Variants in ANKIB1 observed in about 807,000 individuals in gnomAD.
ANKIB1 encodes ankyrin repeat and IBR domain containing 1, also known as ankyrin repeat and IBR domain-containing protein 1.
In ANKIB1, 43 loss-of-function variants were observed where a neutral mutation model predicts 122.1. The observed-to-expected ratio is 0.35, with a 90% CI of 0.28 to 0.45. ANKIB1 has a LOEUF of 0.45. Among genes scored for constraint, ANKIB1 ranks in the 20% least tolerant of loss-of-function variants. The probability of loss-of-function intolerance (pLI) is 1.00; values close to 1 mark genes in which losing one functional copy is unlikely to be tolerated. For synonymous variants in ANKIB1, 390 were observed against 442.0 expected (o/e 0.88, Z 1.48); for missense variants, 992 against 1,329.5 (o/e 0.75, Z 3.95).
At chr7:92,334,048 A>G (rs1803235683) in intron 5 of ANKIB1, among the ~76,000 whole-genome samples, 1 of 152,160 alleles carries the variant, frequency 6.6e-6, no homozygotes, top group Non-Finnish European at 1.5e-5. Flanking sequence ...TTTAATGACT[A>G]TATGTAAGAA....
In ANKIB1 at chr7:92,370,297, A is replaced by G. The variant is rs912755175; in HGVS notation, c.1487-1180A>G. ...GCCGAGGCGGGCGGATCACGAGGTC[A>G]GGAGATCGAGACCATCCTGGCTAAC... is the stretch of plus-strand genomic sequence containing the variant. On this transcript the variant is annotated intron_variant, in intron 10 of 19. Transcript: ENST00000265742. 2.0e-5 allele frequency among the ~76,000 whole-genome samples: 3 copies of G among 151,798 alleles called. No homozygotes were observed. In the South Asian group the frequency reaches 6.3e-4, roughly 32 times the overall value.
At chr7:92,258,019 G>A (rs762047088) in intron 1 of ANKIB1, among the ~76,000 whole-genome samples, 1 of 152,172 alleles carries the variant, frequency 6.6e-6, no homozygotes, top group Non-Finnish European at 1.5e-5. Context: ...GCTCTGAAAT[G>A]TGACTTGACA....
At chr7:92,317,594 A>C (rs1232934670) in intron 3 of ANKIB1, among the ~76,000 whole-genome samples, 1 of 152,200 alleles carries the variant, frequency 6.6e-6, no homozygotes, top group Non-Finnish European at 1.5e-5. Flanking sequence ...TTTACAACTT[A>C]AAAACCACCT....
chr7:92,259,426 CT>C (rs1426421057), intron 1 of ANKIB1, among the ~76,000 whole-genome samples: 1 of 151,858 alleles, frequency 6.6e-6, no homozygotes, highest in Non-Finnish European at 1.5e-5. Flanking sequence ...GGATTTCTGG[CT>C]TTTTTTGTAT....
At chr7:92,309,942 A>AAAAAAAAAAAATATATATATATAT (rs1335765681) in intron 3 of ANKIB1, among the ~76,000 whole-genome samples, 1 of 91,812 alleles carries the variant, frequency 1.1e-5, no homozygotes, top group East Asian at 4.6e-4. Flanking sequence ...AAAAAAAAAA[A>AAAAAAAAAAAATATATATATATAT]ATATATATAT....
intron 1 of ANKIB1, among the ~76,000 whole-genome samples, chr7:92,279,285 C>T (rs1262876865): frequency 6.6e-6 from 1 of 152,136 alleles, no homozygotes; most frequent in Non-Finnish European, 1.5e-5. Flanking sequence ...GGGACCCCTG[C>T]CCTAAAGGGA....
intron 11 of ANKIB1, among the ~76,000 whole-genome samples, chr7:92,380,098 C>T (rs1219692821): frequency 2.6e-5 from 4 of 152,218 alleles, no homozygotes; most frequent in Non-Finnish European, 5.9e-5. Flanking sequence ...GATTATATCC[C>T]ACACCTGGCT....
intron 1 of ANKIB1, among the ~76,000 whole-genome samples, chr7:92,289,545 T>A (rs1383022344): frequency 6.6e-6 from 1 of 152,210 alleles, no homozygotes; most frequent in Non-Finnish European, 1.5e-5. Context: ...TTAGCATAGT[T>A]TCAAAATTAG....
Position 92,276,895 on chromosome 7 carries a change from T to C in ANKIB1, c.-90-17994T>C, listed in dbSNP as rs190853138. Among the ~76,000 whole-genome samples, 443 of 152,318 alleles carry C rather than the reference T, an allele frequency of 2.9e-3. 4 individuals are homozygous for C. The highest frequency in any genetic ancestry group is 0.01 in the African/African-American group (421 of 41,558). On this transcript the variant is annotated intron_variant, in intron 1 of 19. Transcript: ENST00000265742. ...CCAAATCTCTTGTTGAATTGTAATC[T>C]GTAATGTTGAAGTTGGGCCTGGTGG... is the stretch of plus-strand genomic sequence containing the variant.
At chr7:92,345,617 C>T (rs1803521369) in intron 7 of ANKIB1, among the ~76,000 whole-genome samples, 1 of 152,160 alleles carries the variant, frequency 6.6e-6, no homozygotes, top group South Asian at 2.1e-4. Context: ...TATACTTTTT[C>T]ACCATCCATT....
chr7:92,396,028 C>G (rs1390797057), intron 17 of ANKIB1: 1 of 232,544 alleles, frequency 4.3e-6, no homozygotes, highest in East Asian at 1.4e-4. Context: ...TCAAGGAAAG[C>G]CTTACTTAAA....
intron 8 of ANKIB1, among the ~76,000 whole-genome samples, chr7:92,351,974 G>A (rs1803675521): frequency 6.6e-6 from 1 of 151,982 alleles, no homozygotes. Context: ...GCCTGCCTCA[G>A]CCTCCCAAAG....
At chr7:92,378,365 T>G (rs1804434314) in intron 11 of ANKIB1, among the ~76,000 whole-genome samples, 1 of 152,104 alleles carries the variant, frequency 6.6e-6, no homozygotes, top group Non-Finnish European at 1.5e-5. Context: ...TTAGGGATGC[T>G]TCCACCTATA....
At position 92,393,573 on chromosome 7, in the gene ANKIB1, G is replaced by A. The variant is rs949386934; in HGVS notation, c.2283+1281G>A. On this transcript the variant is annotated intron_variant, in intron 17 of 19. Transcript: ENST00000265742. ...TTTAGCAAAAATAAATAAAACCTTT[G>A]TCAGTGTATTCACAAGCATGTATGT... Among the ~76,000 whole-genome samples, 4 of 152,130 alleles carry A rather than the reference G, an allele frequency of 2.6e-5. 1 individual carries two copies.
intron 5 of ANKIB1, among the ~76,000 whole-genome samples, chr7:92,331,934 A>G (rs1271814443): frequency 1.3e-5 from 2 of 152,294 alleles, no homozygotes; most frequent in Non-Finnish European, 1.5e-5. Context: ...CTATAATTTC[A>G]CCATAATTAA....
chr7:92,345,898 T>G (rs1432165792), intron 7 of ANKIB1, among the ~76,000 whole-genome samples: 1 of 152,188 alleles, frequency 6.6e-6, no homozygotes, highest in Non-Finnish European at 1.5e-5. Flanking sequence ...TGAGTTTTTC[T>G]TTTTAAACAG....
intron 1 of ANKIB1, among the ~76,000 whole-genome samples, chr7:92,276,177 G>T (rs1353342944): frequency 6.6e-6 from 1 of 152,078 alleles, no homozygotes; most frequent in Non-Finnish European, 1.5e-5. Flanking sequence ...GTAAAATCAG[G>T]ATTCTAGGCC....
intron 3 of ANKIB1, among the ~76,000 whole-genome samples, chr7:92,315,959 G>A (rs1383322241): frequency 2.0e-5 from 3 of 152,114 alleles, no homozygotes; most frequent in African/African-American, 7.2e-5. Context: ...CCCATTTAGA[G>A]GGTGATCAAA....
chr7:92,383,295 C>T (rs1804560924), intron 11 of ANKIB1, among the ~76,000 whole-genome samples: 1 of 152,130 alleles, frequency 6.6e-6, no homozygotes, highest in Non-Finnish European at 1.5e-5. Context: ...GATTCACAGC[C>T]AAATTGTACC....
Sources: allele counts gnomAD v4.1 joint callset (sites outside exome capture counted in the v4.1 genomes callset), GRCh38; gene constraint gnomAD v4.1.1; transcripts MANE v1.5; gene names NCBI Gene and HGNC (gene_info 2026-07-23, HGNC 2026-07-21).